The following C9 variants were observed in gnomAD, a reference collection of about 807,000 sequenced individuals.
C9 encodes complement component C9.
In C9, 63 loss-of-function variants were observed where a neutral mutation model predicts 65.4. The ratio of observed to expected loss-of-function variants is 0.96; its 90% CI spans 0.79 to 1.19. The LOEUF is 1.19. Among genes scored for constraint, C9 ranks in the 50% most tolerant of loss-of-function variants. The pLI is 0.00. For missense variants in C9, 744 were observed against 670.1 expected (o/e 1.11, Z -1.22); for synonymous variants, 229 against 227.9 (o/e 1.00, Z -0.04).
intron 1 of C9, among the ~76,000 whole-genome samples, chr5:39,362,626 G>C (rs904738916): frequency 2.0e-5 from 3 of 152,174 alleles, no homozygotes; most frequent in Admixed American, 6.5e-5. Context: ...CGAGGGAAGC[G>C]AGGTACAGAG....
intron 5 of C9, among the ~76,000 whole-genome samples, chr5:39,324,273 C>G (rs767643747): frequency 6.6e-6 from 1 of 152,104 alleles, no homozygotes; most frequent in Non-Finnish European, 1.5e-5. Flanking sequence ...CAATCCCTAT[C>G]ATAATTTTAT....
intron 9 of C9, among the ~76,000 whole-genome samples, chr5:39,299,143 A>G (rs1408925372): frequency 6.6e-6 from 1 of 151,964 alleles, no homozygotes; most frequent in Non-Finnish European, 1.5e-5. Flanking sequence ...CAAGAAAAAG[A>G]AATAAAATAC....
intron 9 of C9, among the ~76,000 whole-genome samples, chr5:39,301,555 T>C (rs991996384): frequency 1.3e-5 from 2 of 152,264 alleles, no homozygotes; most frequent in East Asian, 3.9e-4. Context: ...GTGAATTCTC[T>C]CTACTATTTC....
intron 4 of C9, among the ~76,000 whole-genome samples, chr5:39,339,123 C>T (rs979601910): frequency 1.1e-4 from 17 of 152,096 alleles, no homozygotes; most frequent in Non-Finnish European, 2.1e-4. Context: ...GAATCAGGAC[C>T]ATTTGAGCAC....
intron 9 of C9, 32 bp from the exon 10 acceptor site, chr5:39,288,983 C>T: frequency 8.4e-7 from 1 of 1,184,148 alleles, no homozygotes; most frequent in Non-Finnish European, 1.3e-6. Flanking sequence ...AATTTTAGGT[C>T]CTTTTTAACT....
intron 4 of C9, among the ~76,000 whole-genome samples, chr5:39,335,615 C>A (rs1753949868): frequency 6.6e-6 from 1 of 152,032 alleles, no homozygotes; most frequent in Non-Finnish European, 1.5e-5. Context: ...TAGGTATGTG[C>A]GAATACTATG....
chr5:39,290,832 T>C (rs1309827312), intron 9 of C9, among the ~76,000 whole-genome samples: 1 of 151,858 alleles, frequency 6.6e-6, no homozygotes. Flanking sequence ...TCAACCAAGG[T>C]AGACATGCTA....
intron 1 of C9, among the ~76,000 whole-genome samples, chr5:39,360,127 A>G (rs560028267): frequency 1.1e-3 from 173 of 152,316 alleles, no homozygotes; most frequent in African/African-American, 3.9e-3. Context: ...GATTGTTGAG[A>G]TAAATTGAAT....
At chr5:39,324,178 T>C (rs73078512) in intron 5 of C9, among the ~76,000 whole-genome samples, 132 of 152,262 alleles carry the variant, frequency 8.7e-4, no homozygotes, top group African/African-American at 3.0e-3. Flanking sequence ...TACAAATCAA[T>C]GGAAAGATAT....
In C9 at chr5:39,330,349, G is replaced by A. The variant is rs143569465; in HGVS notation, c.615+1327C>T. Among the ~76,000 whole-genome samples, 11 of 152,306 alleles carry A rather than the reference G, an allele frequency of 7.2e-5. No homozygotes were observed. The East Asian group carries it at 2.1e-3, about 29-fold the overall frequency. On this transcript the variant is annotated intron_variant, in intron 5 of 10. Transcript: ENST00000263408. ...AGGGTTATGGATAAGGGAAAGCAGT[G>A]CTTCCTTTCCAAACGTGGCTTCAAG...
chr5:39,295,013 T>C (rs971665792), intron 9 of C9, among the ~76,000 whole-genome samples: 1 of 151,756 alleles, frequency 6.6e-6, no homozygotes, highest in African/African-American at 2.4e-5. Context: ...ATTTAACTTC[T>C]CTTTGTGATA....
chr5:39,304,453 C>A (rs2111871516), intron 9 of C9, among the ~76,000 whole-genome samples: 1 of 152,146 alleles, frequency 6.6e-6, no homozygotes, highest in South Asian at 2.1e-4. Flanking sequence ...GTAATTGTCT[C>A]CTGGAAATAG....
intron 9 of C9, among the ~76,000 whole-genome samples, chr5:39,294,842 C>A (rs151034750): frequency 2.6e-5 from 4 of 151,578 alleles, no homozygotes; most frequent in African/African-American, 9.7e-5. Context: ...CTGATGGCAA[C>A]AATACATCAA....
chr5:39,286,193 G>T (rs1752988613), intron 10 of C9, among the ~76,000 whole-genome samples: 1 of 152,040 alleles, frequency 6.6e-6, no homozygotes, highest in African/African-American at 2.4e-5. Flanking sequence ...TGATGAAAAT[G>T]ATAGGACCTC....
intron 1 of C9, among the ~76,000 whole-genome samples, chr5:39,361,302 A>T (rs978235823): frequency 6.6e-6 from 1 of 152,204 alleles, no homozygotes; most frequent in Non-Finnish European, 1.5e-5. Flanking sequence ...GGAGCGAAGA[A>T]GTGTTTTTAA....
intron 9 of C9, among the ~76,000 whole-genome samples, chr5:39,290,982 T>A (rs934418430): frequency 2.0e-4 from 31 of 151,916 alleles, no homozygotes; most frequent in African/African-American, 7.5e-4. Flanking sequence ...ATGTTTGAAA[T>A]ATACAAAATT....
chr5:39,305,313 C>A (rs1015694469), intron 9 of C9, among the ~76,000 whole-genome samples: 1 of 151,896 alleles, frequency 6.6e-6, no homozygotes, highest in Non-Finnish European at 1.5e-5. Flanking sequence ...ATTTCTATAA[C>A]ATAAAGGGAG....
chr5:39,310,460 G>A (rs1490328549), intron 7 of C9, among the ~76,000 whole-genome samples: 1 of 151,954 alleles, frequency 6.6e-6, no homozygotes, highest in African/African-American at 2.4e-5. Flanking sequence ...AGACTTAGAC[G>A]AACCCTTTAG....
At chr5:39,328,873 T>C (rs749324768) in intron 5 of C9, among the ~76,000 whole-genome samples, 17 of 151,984 alleles carry the variant, frequency 1.1e-4, no homozygotes, top group Non-Finnish European at 2.4e-4. Flanking sequence ...TGTAGTGAAA[T>C]GGTATAGGAA....
Sources: allele counts gnomAD v4.1 joint callset (sites outside exome capture counted in the v4.1 genomes callset), GRCh38; gene constraint gnomAD v4.1.1; transcripts MANE v1.5; gene names NCBI Gene and HGNC (gene_info 2026-07-23, HGNC 2026-07-21).